The following PVT1 variants were observed in gnomAD, a reference collection of about 807,000 sequenced individuals.
PVT1 encodes CXCR4/PVT1 fusion.
At chr8:127,798,117 A>G (rs57133451) in intron 2 of PVT1, among the ~76,000 whole-genome samples, 3,437 of 150,846 alleles carry the variant, frequency 0.023, 78 homozygotes, top group East Asian at 0.12. Flanking sequence ...AGCCTGGCCA[A>G]CATGGTGAAA....
At chr8:128,061,324 A>G (rs964885153) in intron 4 of PVT1, among the ~76,000 whole-genome samples, 1 of 152,224 alleles carries the variant, frequency 6.6e-6, no homozygotes, top group Non-Finnish European at 1.5e-5. Flanking sequence ...GTTACAACAT[A>G]TACTTCATTC....
intron 2 of PVT1, among the ~76,000 whole-genome samples, chr8:127,818,419 A>T (rs559704066): frequency 1.3e-5 from 2 of 152,202 alleles, no homozygotes; most frequent in South Asian, 4.2e-4. Flanking sequence ...TGAGGCCCAG[A>T]TTGTAAGAAG....
chr8:127,809,056 G>A (rs111495449), intron 2 of PVT1, among the ~76,000 whole-genome samples: 18,794 of 82,606 alleles, frequency 0.23, 1,035 homozygotes, highest in Non-Finnish European at 0.29. Flanking sequence ...AAAAAAAAAA[G>A]AAAGAAAAAA....
chr8:127,795,272 G>A (rs1039969991), intron 1 of PVT1, among the ~76,000 whole-genome samples: 2 of 152,156 alleles, frequency 1.3e-5, no homozygotes, highest in Non-Finnish European at 2.9e-5. Flanking sequence ...CATTCTTCTT[G>A]GCTGGGCTGT....
chr8:127,952,063 C>T (rs1816511742), intron 3 of PVT1, among the ~76,000 whole-genome samples: 3 of 152,186 alleles, frequency 2.0e-5, no homozygotes, highest in African/African-American at 7.2e-5. Flanking sequence ...ATCTGCCTGC[C>T]TTGGCCTCCC....
intron 2 of PVT1, among the ~76,000 whole-genome samples, chr8:127,817,034 G>A (rs997699999): frequency 6.9e-6 from 1 of 144,290 alleles, no homozygotes; most frequent in African/African-American, 2.6e-5. Flanking sequence ...GATACAAACA[G>A]TGCTGCTGTG....
chr8:127,971,173 T>C (rs1816760927), intron 3 of PVT1, among the ~76,000 whole-genome samples: 1 of 152,262 alleles, frequency 6.6e-6, no homozygotes, highest in Non-Finnish European at 1.5e-5. Flanking sequence ...TATTTTTTTA[T>C]GGAGGGCAGA....
chr8:128,078,956 T>C (rs543213497), intron 5 of PVT1, among the ~76,000 whole-genome samples: 1 of 151,334 alleles, frequency 6.6e-6, no homozygotes, highest in Non-Finnish European at 1.5e-5. Context: ...CTTGGCTAGT[T>C]AGGGTTTTTT....
chr8:128,010,911 TC>T (rs1654182275), intron 4 of PVT1, among the ~76,000 whole-genome samples: 2 of 152,234 alleles, frequency 1.3e-5, no homozygotes, highest in African/African-American at 4.8e-5. Flanking sequence ...TGCAGCATGG[TC>T]CAAAGAAGGC....
intron 4 of PVT1, among the ~76,000 whole-genome samples, chr8:128,029,175 T>C (rs1586488303): frequency 1.3e-5 from 2 of 152,040 alleles, no homozygotes; most frequent in Non-Finnish European, 2.9e-5. Context: ...TTTTGTAGAG[T>C]GCAGTGGCTC....
intron 4 of PVT1, among the ~76,000 whole-genome samples, chr8:128,021,529 G>A (rs752680282): frequency 6.6e-6 from 1 of 151,926 alleles, no homozygotes; most frequent in Non-Finnish European, 1.5e-5. Flanking sequence ...TCCTGACTTC[G>A]TGATCCGCCC....
intron 2 of PVT1, among the ~76,000 whole-genome samples, chr8:127,857,245 A>G (rs1370006777): frequency 6.6e-6 from 1 of 152,138 alleles, no homozygotes; most frequent in African/African-American, 2.4e-5. Flanking sequence ...AATAATAGTA[A>G]TATAATAATA....
At chr8:128,086,983 T>C (rs1013628903) in intron 5 of PVT1, among the ~76,000 whole-genome samples, 1 of 152,276 alleles carries the variant, frequency 6.6e-6, no homozygotes, top group African/African-American at 2.4e-5. Flanking sequence ...TGAGCTTTAA[T>C]TTTCTTATCT....
chr8:127,880,598 T>C (rs1815455027), intron 2 of PVT1, among the ~76,000 whole-genome samples: 1 of 87,306 alleles, frequency 1.1e-5, no homozygotes, highest in African/African-American at 3.9e-5. Context: ...CCCCGGCCCT[T>C]TTTTTTTTTT....
intron 3 of PVT1, among the ~76,000 whole-genome samples, chr8:127,929,277 C>T (rs1586440665): frequency 6.7e-6 from 1 of 150,010 alleles, no homozygotes; most frequent in Non-Finnish European, 1.5e-5. Context: ...TGTGTAAAAG[C>T]TGTAGTCCCT....
rs3041914 is a variant in PVT1, at chr8:128,058,378, ATGTGTGTG to A, written n.913-11756_913-11749del. On this transcript the variant is annotated intron_variant and non_coding_transcript_variant, in intron 4 of 10. Coordinates refer to ENST00000651587, the Ensembl canonical transcript of PVT1. The stretch of plus-strand genomic sequence containing the variant: ...TGTAACTAATTAAACAAACTGATGC[ATGTGTGTG>A]TGTGTGTGTGTGTGTGTGTGTGTGT... Among the ~76,000 whole-genome samples, 839 of 146,676 alleles carry A rather than the reference ATGTGTGTG, an allele frequency of 5.7e-3. 5 individuals are homozygous for A. The highest frequency in any genetic ancestry group is 0.019 in the African/African-American group (755 of 40,042).
chr8:127,836,690 T>G (rs1472452336), intron 2 of PVT1, among the ~76,000 whole-genome samples: 1 of 152,264 alleles, frequency 6.6e-6, no homozygotes, highest in East Asian at 1.9e-4. Context: ...CTGCTTTAAG[T>G]GCATTACGTC....
intron 2 of PVT1, among the ~76,000 whole-genome samples, chr8:127,823,356 C>A (rs1234587297): frequency 6.6e-6 from 1 of 152,164 alleles, no homozygotes; most frequent in Non-Finnish European, 1.5e-5. Context: ...ATATGAAACT[C>A]CTGCTTTTGA....
At chr8:128,044,215 A>G (rs1356631523) in intron 4 of PVT1, among the ~76,000 whole-genome samples, 1 of 101,094 alleles carries the variant, frequency 9.9e-6, no homozygotes, top group African/African-American at 3.3e-5. Context: ...TCGCACCTCC[A>G]TCTCCCCTTT....
Sources: gnomAD v4.1 joint callset for allele counts (sites outside exome capture counted in the v4.1 genomes callset) on GRCh38, gnomAD v4.1.1 for gene constraint, MANE v1.5 for transcripts, NCBI Gene and HGNC (gene_info 2026-07-23, HGNC 2026-07-21) for gene names.